Variants in ANGEL2 observed in about 807,000 individuals in gnomAD.
The protein encoded by ANGEL2 is RNA 2',3'-cyclic phosphatase ANGEL2.
In ANGEL2, 41 loss-of-function variants were observed where a neutral mutation model predicts 66.0. The observed-to-expected ratio is 0.62, with a 90% confidence interval of 0.48 to 0.81. The LOEUF is 0.81. Ranked by LOEUF, ANGEL2 falls within the 30% of genes least tolerant of loss-of-function variation. The pLI is 0.00. For missense variants in ANGEL2, 561 were observed against 641.6 expected, an observed-to-expected ratio of 0.87 and a Z score of 1.36; for synonymous variants, 208 against 226.5, an observed-to-expected ratio of 0.92 and a Z score of 0.73.
rs148685043 is a variant in ANGEL2 at position 213,000,364 on chromosome 1, T to A, written c.1281A>T (p.Thr427=). Reference sequence around the variant, plus strand: ...CTAGGACCTCTGTTTGCTTCAGCTGTGTTTGTGTCAGATCACTGTCTGTAA... The same window carrying A: ...CTAGGACCTCTGTTTGCTTCAGCTGAGTTTGTGTCAGATCACTGTCTGTAA... ...VEKTDSDLTQ[T]QLKQTEVLVT... Residue 427 remains threonine, a synonymous_variant, in exon 7 of 9, where the codon ACA becomes ACT. Coordinates refer to ENST00000366962, the MANE Select transcript of ANGEL2 (RefSeq NM_144567.5). 1.0e-4 allele frequency: 161 copies of A among 1,613,770 alleles called. No individual in the cohort carries two copies. Among genetic ancestry groups the A allele is most frequent in the Non-Finnish European group, 1.5e-5 (18 of 1,179,786 alleles).
At chr1:213,000,660 A>G in intron 6 of ANGEL2, 126 bp downstream of exon 6, 4 of 1,091,562 alleles carry the variant, frequency 3.7e-6, no homozygotes, top group Middle Eastern at 3.1e-4. Flanking sequence ...AAAAAAATGA[A>G]TAACTACATA....
Position 212,997,309 on chromosome 1 carries a change from T to C in ANGEL2, c.1329A>G (p.Ser443=). The C allele has an allele frequency of 6.2e-7, 1 of 1,606,394 alleles. No homozygotes were observed. Among genetic ancestry groups the C allele is most frequent in the African/African-American group, 1.3e-5 (1 of 74,986 alleles). The change falls in exon 8 of 9, where the codon TCA becomes TCG. Residue 443 remains serine, a synonymous_variant. Coordinates refer to ENST00000366962, the MANE Select transcript of ANGEL2 (RefSeq NM_144567.5). ...EVLVTAEKLS[S]NLQHHFSLSS... The stretch of plus-strand genomic sequence containing the variant: ...ACAAACTGAAATGGTGCTGTAAATT[T>C]GAAGACAATCTAAATAGAAAAGAAG...
chr1:213,008,795 C>T (rs3002285), intron 2 of ANGEL2, among the ~76,000 whole-genome samples: 39,666 of 152,132 alleles, frequency 0.26, 5,996 homozygotes, highest in Admixed American at 0.4. Context: ...AGTGGCTCTG[C>T]CACAGATGTG....
chr1:213,000,512 G>T, intron 6 of ANGEL2, 129 bp from the exon 7 acceptor site: 3 of 871,228 alleles, frequency 3.4e-6, no homozygotes, highest in East Asian at 2.7e-5. Flanking sequence ...TTTCATTCTG[G>T]AATCTATATA....
rs982573649 is a variant in ANGEL2 at position 212,997,220 on chromosome 1, C to T, written c.1418G>A (p.Arg473Gln). The change falls in exon 8 of 9, where the codon CGA (arginine) becomes CAA (glutamine). Residue 473 changes from arginine to glutamine, a missense_variant. Arg to Gln is a conservative substitution (Grantham distance 43). Coordinates refer to ENST00000366962, the MANE Select transcript of ANGEL2 (RefSeq NM_144567.5). The stretch of plus-strand genomic sequence containing the variant: ...AATATAATCCACAGTTATGGCACTT[C>T]GGGAATGACAGGTGGTCACTTCTGG... Reference protein sequence around the residue: ...GIPEVTTCHSRSAITVDYIFY... With the variant: ...GIPEVTTCHSQSAITVDYIFY... 38 of 1,613,750 alleles carry T rather than the reference C, an allele frequency of 2.4e-5. No homozygotes were observed. Among genetic ancestry groups the T allele is most frequent in the Non-Finnish European group, 3.0e-5 (35 of 1,179,880 alleles).
rs1231160700 is a variant in ANGEL2, at chr1:213,006,340, TG to T, written c.712+788del. Among the ~76,000 whole-genome samples the T allele has an allele frequency of 5.3e-5, 8 of 151,956 alleles. No homozygotes were observed. In the East Asian group the frequency reaches 1.4e-3, roughly 26 times the overall value. On this transcript the variant is annotated intron_variant, in intron 4 of 8. Transcript: ENST00000366962. ...TTAGCTGGGCATAGTGACGGACGCC[TG>T]TAGTCCCAGCTACTAGGGAGCCTGA... is the stretch of plus-strand genomic sequence containing the variant.
Position 212,997,327 on chromosome 1 carries a change from A to C in ANGEL2, c.1320-9T>G. On this transcript the variant is annotated splice_polypyrimidine_tract_variant and intron_variant, in intron 7 of 8. Transcript: ENST00000366962. ...GTAAATTTGAAGACAATCTAAATAGAAAAGAAGAAGTGTTTAGAATCCGAG... is the reference window on the plus strand; with the variant it reads ...GTAAATTTGAAGACAATCTAAATAGCAAAGAAGAAGTGTTTAGAATCCGAG... 6.3e-7 allele frequency: 1 copy of C among 1,595,934 alleles called. No individual in the cohort carries two copies. Among genetic ancestry groups the C allele is most frequent in the Non-Finnish European group, 8.6e-7 (1 of 1,166,054 alleles).
chr1:213,004,933 T>C lies in ANGEL2; in HGVS notation c.1134+100A>G, dbSNP rs991722841. 21 of 707,414 alleles carry C rather than the reference T, an allele frequency of 3.0e-5. No homozygotes were observed. In the Admixed American group the frequency reaches 6.8e-4, roughly 23 times the overall value. The allele number at this position is 707,414 out of a possible 1,614,324, so 43.8% of individuals were successfully genotyped here. ...AGTTTGATAAAGTGAGGGTACTGGATCATCCAAGGTTTTCAAATAGCCATG... is the reference window on the plus strand; with the variant it reads ...AGTTTGATAAAGTGAGGGTACTGGACCATCCAAGGTTTTCAAATAGCCATG... On this transcript the variant is annotated intron_variant, in intron 5 of 8. Transcript: ENST00000366962.
Position 213,015,837 on chromosome 1 carries a change from A to G in ANGEL2, c.-166T>C. 1 of 812,968 alleles carries G rather than the reference A, an allele frequency of 1.2e-6. No homozygotes were observed. The highest frequency in any genetic ancestry group is 1.7e-5 in the South Asian group (1 of 58,582). 50.4% of individuals were successfully genotyped at this position (812,968 alleles called of 1,614,324 possible). ...GGTGCAGTCTCGCCGGCCGGCCTAC[A>G]CTCCATCTTGCGCAGTCAGAGTCCC... On this transcript the variant is annotated 5_prime_UTR_variant, in exon 1 of 9. Transcript: ENST00000366962.
chr1:213,005,744 C>A (rs2935219), intron 4 of ANGEL2, among the ~76,000 whole-genome samples: 39,342 of 151,964 alleles, frequency 0.26, 5,942 homozygotes, highest in Admixed American at 0.4. Context: ...TCTATTCTCT[C>A]ACTCTCTCCA....
chr1:213,009,469 TA>T (rs1446602644), intron 2 of ANGEL2, among the ~76,000 whole-genome samples: 4 of 152,220 alleles, frequency 2.6e-5, no homozygotes, highest in African/African-American at 4.8e-5. Context: ...TTAAATTATA[TA>T]AAAAATTTCA....
chr1:213,012,881 A>G (rs919752092), intron 2 of ANGEL2, among the ~76,000 whole-genome samples: 1 of 152,124 alleles, frequency 6.6e-6, no homozygotes, highest in South Asian at 2.1e-4. Context: ...ACTCATTTCT[A>G]TTTTTATAGT....
rs564609547 is a variant in ANGEL2 at position 212,992,656 on chromosome 1, T to A, written c.*2385A>T. 7 of 152,314 alleles carry A rather than the reference T, an allele frequency of 4.6e-5. No homozygotes were observed. Among genetic ancestry groups the A allele is most frequent in the Admixed American group, 4.6e-4 (7 of 15,298 alleles). 9.4% of individuals were successfully genotyped at this position (152,314 alleles called of 1,614,324 possible). ...TAATACTTCATTTGATAAGCTAAAG[T>A]AAAGAGCAATTTTATGGATTAACTC... is the stretch of plus-strand genomic sequence containing the variant. On this transcript the variant is annotated 3_prime_UTR_variant, in exon 9 of 9. Coordinates refer to ENST00000366962, the MANE Select transcript of ANGEL2 (RefSeq NM_144567.5).
intron 2 of ANGEL2, among the ~76,000 whole-genome samples, chr1:213,009,613 C>G (rs2076442341): frequency 1.3e-5 from 2 of 152,108 alleles, no homozygotes; most frequent in African/African-American, 4.8e-5. Context: ...GAAATAAAGA[C>G]TAAAAGGAAA....
chr1:213,014,042 A>G (rs1401776232), intron 1 of ANGEL2, among the ~76,000 whole-genome samples: 2 of 152,194 alleles, frequency 1.3e-5, no homozygotes, highest in African/African-American at 2.4e-5. Flanking sequence ...GGGGGAAATG[A>G]AAGAGGATGG....
In ANGEL2 at chr1:213,005,338, CAG is replaced by C; in HGVS notation, c.827_828del (p.Pro276ArgfsTer38). 2 of 1,614,232 alleles carry C rather than the reference CAG, an allele frequency of 1.2e-6. No homozygotes were observed. The highest frequency in any genetic ancestry group is 2.2e-5 in the South Asian group (2 of 91,084). ...TTGTCTCTGTCCAACAGAGAAATAT[CAG>C]GGCGGAAGAATTCCACTGGGTTCAC... is the stretch of plus-strand genomic sequence containing the variant. ...LSVNPVEFFR[P>X]DISLLDRDNV... is the part of the protein sequence containing the mutation. On this transcript the variant is annotated frameshift_variant, in exon 5 of 9. Coordinates refer to ENST00000366962, the MANE Select transcript of ANGEL2 (RefSeq NM_144567.5). LOFTEE classifies it high-confidence loss of function.
At chr1:213,005,958 T>C (rs2076313926) in intron 4 of ANGEL2, among the ~76,000 whole-genome samples, 1 of 152,234 alleles carries the variant, frequency 6.6e-6, no homozygotes, top group South Asian at 2.1e-4. Flanking sequence ...TCATTTTGTT[T>C]AAAACTGAAA....
rs781218408 is a variant in ANGEL2, at chr1:213,000,375, G to C, written c.1270C>G (p.Leu424Val). The C allele has an allele frequency of 1.2e-6, 2 of 1,613,388 alleles. No individual in the cohort carries two copies. Among genetic ancestry groups the C allele is most frequent in the East Asian group, 2.2e-5 (1 of 44,876 alleles). The change falls in exon 7 of 9, where the codon CTG (leucine) becomes GTG (valine). Residue 424 changes from leucine to valine, a missense_variant. By Grantham distance (32) the Leu-to-Val change is conservative. Coordinates refer to ENST00000366962, the MANE Select transcript of ANGEL2 (RefSeq NM_144567.5). ...GTTTGCTTCAGCTGTGTTTGTGTCA[G>C]ATCACTGTCTGTAAGAATAGAGGAA... The part of the protein sequence containing the change: ...VPKVEKTDSD[L>V]TQTQLKQTEV...
intron 1 of ANGEL2, 85 bp from the exon 2 acceptor site, chr1:213,013,503 G>A: frequency 8.0e-7 from 1 of 1,243,518 alleles, no homozygotes; most frequent in Non-Finnish European, 1.1e-6. Flanking sequence ...CTCAAGGGAA[G>A]GTAATGTCTA....
Sources: allele counts gnomAD v4.1 joint callset (sites outside exome capture counted in the v4.1 genomes callset), GRCh38; gene constraint gnomAD v4.1.1; transcripts MANE v1.5; gene names NCBI Gene and HGNC (gene_info 2026-07-23, HGNC 2026-07-21).